The following SRRT variants were observed in gnomAD, a reference collection of about 807,000 sequenced individuals.
SRRT encodes the protein serrate RNA effector molecule homolog.
SRRT carries 32 observed loss-of-function variants against 103.2 expected under a neutral mutation model. The ratio of observed to expected loss-of-function variants is 0.31; its 90% CI spans 0.23 to 0.42. The LOEUF (loss-of-function observed/expected upper bound fraction) is 0.42. SRRT is among the 10% of genes least tolerant of loss of function. SRRT has a pLI of 1.00. For missense variants in SRRT, 986 were observed against 1,207.5 expected, an observed-to-expected ratio of 0.82 and a Z score of 2.72; for synonymous variants, 525 against 449.0, an observed-to-expected ratio of 1.17 and a Z score of -2.14.
At chr7:100,878,379 G>A (rs1057467460) in intron 2 of SRRT, among the ~76,000 whole-genome samples, 11 of 152,094 alleles carry the variant, frequency 7.2e-5, no homozygotes, top group Admixed American at 6.6e-4. Context: ...TTCCCATTAA[G>A]TAAAGACTTT....
At chr7:100,883,310 C>T (rs1563017225) in intron 5 of SRRT, among the ~76,000 whole-genome samples, 1 of 152,102 alleles carries the variant, frequency 6.6e-6, no homozygotes. Context: ...TTAGTTTTTC[C>T]CTTTGTTTTC....
intron 1 of SRRT, 32 bp from the exon 2 acceptor site, chr7:100,875,541 C>T: frequency 1.2e-6 from 2 of 1,609,690 alleles, no homozygotes; most frequent in South Asian, 1.1e-5. Context: ...CGTCCTTTTG[C>T]ACCACTCCTA....
Position 100,886,860 on chromosome 7 carries a change from C to G in SRRT, c.1713C>G (p.Ala571=), listed in dbSNP as rs527268636. 2 of 1,614,060 alleles carry G rather than the reference C, an allele frequency of 1.2e-6. No individual in the cohort carries two copies. The highest frequency in any genetic ancestry group is 1.6e-4 in the Middle Eastern group (1 of 6,084). Residue 571 remains alanine, a synonymous_variant, in exon 14 of 20, where the codon GCC becomes GCG. Transcript: ENST00000611405. ...ITDYLIEEVS[A]EEEELLGSSG... ...ACTACCTGATCGAGGAAGTAAGCGC[C>G]GAGGAGGAGGAGCTGCTGGGGAGCA... is the stretch of plus-strand genomic sequence containing the variant.
At chr7:100,879,080 C>T (rs565761646) in intron 2 of SRRT, among the ~76,000 whole-genome samples, 2 of 152,124 alleles carry the variant, frequency 1.3e-5, no homozygotes, top group Non-Finnish European at 2.9e-5. Context: ...CTCAGCCTCC[C>T]GAGTAGTTGG....
At chr7:100,878,703 GT>G (rs34773098) in intron 2 of SRRT, among the ~76,000 whole-genome samples, 2 of 149,368 alleles carry the variant, frequency 1.3e-5, no homozygotes, top group Non-Finnish European at 1.5e-5. Context: ...CTGATTTTCT[GT>G]TTTTTTTTTG....
In SRRT at chr7:100,882,135, G is replaced by A; in HGVS notation, c.481G>A (p.Asp161Asn). The A allele has an allele frequency of 6.2e-7, 1 of 1,614,170 alleles. No homozygotes were observed. Among genetic ancestry groups the A allele is most frequent in the East Asian group, 2.2e-5 (1 of 44,888 alleles). Residue 161 changes from aspartate (D) to asparagine (N), a missense_variant, in exon 5 of 20, where the codon GAC (aspartate) becomes AAC (asparagine). Coordinates refer to ENST00000611405, the MANE Select transcript of SRRT (RefSeq NM_015908.6). The surrounding 1 kb of genome is among the most constrained non-coding windows in gnomAD (Gnocchi z 4.2). ...TFKEFLLSLD[D>N]SVDETEAVKR... ...CAAGGAGTTTCTCCTCTCCCTGGAT[G>A]ACTCGGTGGATGAGACGGAGGCCGT...
At position 100,885,890 on chromosome 7, in the gene SRRT, C is replaced by T. The variant is rs751717492; in HGVS notation, c.1407C>T (p.Phe469=). 34 of 1,613,942 alleles carry T rather than the reference C, an allele frequency of 2.1e-5. No individual in the cohort carries two copies. In the Admixed American group the frequency reaches 2.8e-4, roughly 13 times the overall value. ...TTTTCCGTCGTGGCTGGGTGACCTT[C>T]GACCGCAGTGTTAACATTAAAGAGA... ...RRFFRRGWVT[F]DRSVNIKEIC... is the part of the protein sequence containing the mutation. Residue 469 remains phenylalanine (F), a synonymous_variant, in exon 12 of 20, where the codon TTC becomes TTT. Coordinates refer to ENST00000611405, the MANE Select transcript of SRRT (RefSeq NM_015908.6). This position sits in a 1 kb window ranked among gnomAD's most constrained non-coding sequence, Gnocchi z 4.8.
intron 18 of SRRT, 33 bp downstream of exon 18, chr7:100,888,176 G>A: frequency 6.2e-7 from 1 of 1,602,570 alleles, no homozygotes; most frequent in Non-Finnish European, 8.5e-7. Context: ...GGGGCTTGGT[G>A]AGTGTGTGGC....
Position 100,885,586 on chromosome 7 carries a change from G to A in SRRT, c.1318-115G>A. 8.1e-7 allele frequency: 1 copy of A among 1,241,232 alleles called. No individual in the cohort carries two copies. The allele number at this position is 1,241,232 out of a possible 1,614,324, so 76.9% of individuals were successfully genotyped here. A position where few individuals can be genotyped will look rare whatever the true frequency, so the allele number is the denominator to read the frequency against. ...CTTTAGTGGTTTTTCCCTGCCCAAG[G>A]ATGGGAAGAGTGATAAGGCAGTTAG... On this transcript the variant is annotated intron_variant, in intron 10 of 19. Coordinates refer to ENST00000611405, the MANE Select transcript of SRRT (RefSeq NM_015908.6). This position sits in a 1 kb window ranked among gnomAD's most constrained non-coding sequence, Gnocchi z 4.8.
At chr7:100,883,118 GCTTTC>G (rs1789731787) in intron 5 of SRRT, 1 of 152,414 alleles carries the variant, frequency 6.6e-6, no homozygotes. Flanking sequence ...GATGCCTGCG[GCTTTC>G]CTTTCCTCTT....
In SRRT at chr7:100,885,386, T is replaced by C. The variant is rs1444350421; in HGVS notation, c.1317+16T>C. On this transcript the variant is annotated intron_variant, in intron 10 of 19. Coordinates refer to ENST00000611405, the MANE Select transcript of SRRT (RefSeq NM_015908.6). The surrounding 1 kb of genome is among the most constrained non-coding windows in gnomAD (Gnocchi z 4.8). Reference sequence around the variant, plus strand: ...GATCATCTCCGTGAGTGGGGACCCGTGGAGTCAGGGCAGGGCTGATGGAGA... The same window carrying C: ...GATCATCTCCGTGAGTGGGGACCCGCGGAGTCAGGGCAGGGCTGATGGAGA... 1 of 1,609,940 alleles carries C rather than the reference T, an allele frequency of 6.2e-7. No homozygotes were observed. The highest frequency in any genetic ancestry group is 1.3e-5 in the African/African-American group (1 of 74,908).
At chr7:100,879,824 AAAGAAG>A (rs992304050) in intron 2 of SRRT, among the ~76,000 whole-genome samples, 12 of 149,880 alleles carry the variant, frequency 8.0e-5, no homozygotes, top group African/African-American at 2.2e-4. Flanking sequence ...AAAAAAAAAA[AAAGAAG>A]AAGAAGAAGA....
In SRRT at chr7:100,888,661, A is replaced by G; in HGVS notation, c.*112A>G. 6.8e-7 allele frequency: 1 copy of G among 1,478,192 alleles called. No individual in the cohort carries two copies. Among genetic ancestry groups the G allele is most frequent in the Non-Finnish European group, 9.4e-7 (1 of 1,059,574 alleles). 91.6% of individuals were successfully genotyped at this position (1,478,192 alleles called of 1,614,324 possible). On this transcript the variant is annotated 3_prime_UTR_variant, in exon 20 of 20. Coordinates refer to ENST00000611405, the MANE Select transcript of SRRT (RefSeq NM_015908.6). ...TTACTGCTAATAAAAGCACTTCCAC[A>G]GGGCTCCTGACTCTCGTGTGTTACA...
At position 100,885,595 on chromosome 7, in the gene SRRT, A is replaced by G; in HGVS notation, c.1318-106A>G. The G allele has an allele frequency of 7.9e-7, 1 of 1,270,230 alleles. No individual in the cohort carries two copies. The highest frequency in any genetic ancestry group is 1.1e-6 in the Non-Finnish European group (1 of 895,242). 78.7% of individuals were successfully genotyped at this position (1,270,230 alleles called of 1,614,324 possible). A position where few individuals can be genotyped will look rare whatever the true frequency, so the allele number is the denominator to read the frequency against. ...TTTTTCCCTGCCCAAGGATGGGAAG[A>G]GTGATAAGGCAGTTAGTCCCTAGGG... On this transcript the variant is annotated intron_variant, in intron 10 of 19. Coordinates refer to ENST00000611405, the MANE Select transcript of SRRT (RefSeq NM_015908.6). This position sits in a 1 kb window ranked among gnomAD's most constrained non-coding sequence, Gnocchi z 4.8.
Position 100,887,306 on chromosome 7 carries a change from T to C in SRRT, c.1976-14T>C, listed in dbSNP as rs202049434. ...TCCCTTGCCAACCTTCCTTCCTCTG[T>C]TCCCAAACCACAGTGCTGGAGTGGC... On this transcript the variant is annotated splice_polypyrimidine_tract_variant and intron_variant, in intron 15 of 19. Transcript: ENST00000611405. The surrounding 1 kb of genome is among the most constrained non-coding windows in gnomAD (Gnocchi z 4.1). 1 of 1,612,330 alleles carries C rather than the reference T, an allele frequency of 6.2e-7. No homozygotes were observed. The highest frequency in any genetic ancestry group is 8.5e-7 in the Non-Finnish European group (1 of 1,178,660).
Position 100,884,468 on chromosome 7 carries a change from A to G in SRRT, c.858A>G (p.Lys286=). ...QAGKPGEPSK[K]EEGRAGAGLG... Reference sequence around the variant, plus strand: ...GAAAGCCTGGGGAGCCCAGCAAGAAAGAAGAAGGACGGGCTGGAGCAGGCC... The same window carrying G: ...GAAAGCCTGGGGAGCCCAGCAAGAAGGAAGAAGGACGGGCTGGAGCAGGCC... Residue 286 remains lysine, a synonymous_variant, in exon 7 of 20, where the codon AAA becomes AAG. Coordinates refer to ENST00000611405, the MANE Select transcript of SRRT (RefSeq NM_015908.6). 6.2e-7 allele frequency: 1 copy of G among 1,613,862 alleles called. No homozygotes were observed. Among genetic ancestry groups the G allele is most frequent in the Non-Finnish European group, 8.5e-7 (1 of 1,179,904 alleles).
intron 7 of SRRT, 52 bp downstream of exon 7, chr7:100,884,604 G>T (rs1421672591): frequency 9.6e-6 from 5 of 523,134 alleles, no homozygotes; most frequent in Non-Finnish European, 1.5e-5. Flanking sequence ...GGGGAGGGGG[G>T]CGGGTAGGGG....
rs1001214408 is a variant in SRRT, at chr7:100,885,554, T to C, written c.1318-147T>C. 11 of 1,095,082 alleles carry C rather than the reference T, an allele frequency of 1.0e-5. 1 individual carries two copies. The African/African-American group carries it at 1.7e-4, about 17-fold the overall frequency. 67.8% of individuals were successfully genotyped at this position (1,095,082 alleles called of 1,614,324 possible). A position where few individuals can be genotyped will look rare whatever the true frequency, so the allele number is the denominator to read the frequency against. On this transcript the variant is annotated intron_variant, in intron 10 of 19. Coordinates refer to ENST00000611405, the MANE Select transcript of SRRT (RefSeq NM_015908.6). The surrounding 1 kb of genome is among the most constrained non-coding windows in gnomAD (Gnocchi z 4.8). ...CATTGGCTTTCAGGTGCTGGTGTTC[T>C]GAAGCCCTTTAGTGGTTTTTCCCTG...
chr7:100,881,492 T>C (rs771632355), intron 3 of SRRT, 79 bp downstream of exon 3: 4 of 1,575,042 alleles, frequency 2.5e-6, no homozygotes, highest in Non-Finnish European at 3.5e-6. Flanking sequence ...CACCTGTGCC[T>C]AAATCTTTGT....
Sources: gnomAD v4.1 joint callset for allele counts (sites outside exome capture counted in the v4.1 genomes callset) on GRCh38, gnomAD v4.1.1 for gene constraint, Gnocchi (gnomAD v3.1) non-coding constraint, MANE v1.5 for transcripts, NCBI Gene and HGNC (gene_info 2026-07-23, HGNC 2026-07-21) for gene names.